The following PDE3A variants were observed in gnomAD, a reference collection of about 807,000 sequenced individuals.
PDE3A encodes the protein cGMP-inhibited 3',5'-cyclic phosphodiesterase 3A.
In PDE3A, 43 loss-of-function variants were observed where a neutral mutation model predicts 98.3. The ratio of observed to expected loss-of-function variants is 0.44; its 90% CI spans 0.34 to 0.56. The LOEUF (loss-of-function observed/expected upper bound fraction) is 0.56, where lower values mean the gene tolerates loss of function less well. PDE3A is among the 20% of genes least tolerant of loss of function. The probability of loss-of-function intolerance (pLI) is 0.01; values close to 1 mark genes in which losing one functional copy is unlikely to be tolerated. For synonymous variants in PDE3A, 663 were observed against 567.9 expected (o/e 1.17, Z -2.38); for missense variants, 1,427 against 1,440.7 (o/e 0.99, Z 0.15).
At chr12:20,655,654 G>A (rs938158297) in intron 15 of PDE3A, among the ~76,000 whole-genome samples, 2 of 152,206 alleles carry the variant, frequency 1.3e-5, no homozygotes, top group Non-Finnish European at 2.9e-5. Flanking sequence ...AAGCTTGGAA[G>A]GTGGGACTCT....
intron 1 of PDE3A, among the ~76,000 whole-genome samples, chr12:20,506,709 A>G (rs117266619): frequency 0.033 from 5,045 of 152,148 alleles, 121 homozygotes; most frequent in South Asian, 0.064. Flanking sequence ...ATGAATATAC[A>G]TAAAGTGGAT....
chr12:20,399,775 C>A lies in PDE3A; in HGVS notation c.960+29531C>A, dbSNP rs535724993. On this transcript the variant is annotated intron_variant, in intron 1 of 15. Transcript: ENST00000359062. Reference sequence around the variant, plus strand: ...AAGGAGGAGATAAATTAAATTTCCACCTACAAGATCAGTATAGCAATATTC... The same window carrying A: ...AAGGAGGAGATAAATTAAATTTCCAACTACAAGATCAGTATAGCAATATTC... 2.0e-5 allele frequency among the ~76,000 whole-genome samples: 3 copies of A among 152,268 alleles called. No individual in the cohort carries two copies. The East Asian group carries it at 5.8e-4, about 29-fold the overall frequency.
At chr12:20,629,261 T>C (rs190567290) in intron 5 of PDE3A, among the ~76,000 whole-genome samples, 170 of 152,294 alleles carry the variant, frequency 1.1e-3, no homozygotes, top group African/African-American at 4.0e-3. Flanking sequence ...ATACCCATAC[T>C]TGAAATGGAA....
At chr12:20,605,051 C>T (rs1943677911) in intron 2 of PDE3A, among the ~76,000 whole-genome samples, 1 of 152,170 alleles carries the variant, frequency 6.6e-6, no homozygotes, top group African/African-American at 2.4e-5. Context: ...TAGGCTCTCA[C>T]CCTTATAAAA....
At chr12:20,418,515 A>C (rs1944459880) in intron 1 of PDE3A, among the ~76,000 whole-genome samples, 1 of 152,174 alleles carries the variant, frequency 6.6e-6, no homozygotes, top group African/African-American at 2.4e-5. Flanking sequence ...CAGCCGTTTC[A>C]TTTAAATTGT....
intron 1 of PDE3A, among the ~76,000 whole-genome samples, chr12:20,474,839 C>T (rs957302509): frequency 1.3e-5 from 2 of 152,152 alleles, no homozygotes; most frequent in African/African-American, 4.8e-5. Context: ...TCTCAAAATC[C>T]TTAATTTAGT....
At chr12:20,432,581 A>G (rs1944715549) in intron 1 of PDE3A, among the ~76,000 whole-genome samples, 1 of 152,136 alleles carries the variant, frequency 6.6e-6, no homozygotes, top group Non-Finnish European at 1.5e-5. Context: ...TATATATTTA[A>G]TATGTGTAGC....
intron 1 of PDE3A, among the ~76,000 whole-genome samples, chr12:20,424,673 A>G (rs1944575699): frequency 6.6e-6 from 1 of 152,244 alleles, no homozygotes; most frequent in Non-Finnish European, 1.5e-5. Context: ...GTGTCAGAAT[A>G]TCTACTTACC....
intron 2 of PDE3A, among the ~76,000 whole-genome samples, chr12:20,561,696 T>C (rs1163623999): frequency 6.6e-6 from 1 of 152,180 alleles, no homozygotes; most frequent in Admixed American, 6.5e-5. Flanking sequence ...CCCGGGATAC[T>C]TAATAAATAA....
rs555777265 is a variant in PDE3A at position 20,574,558 on chromosome 12, CTTATTTAGATGATAGCTTTCA to C, written c.1011+17850_1011+17870del. Among the ~76,000 whole-genome samples, 474 of 152,094 alleles carry C rather than the reference CTTATTTAGATGATAGCTTTCA, an allele frequency of 3.1e-3. 3 individuals carry two copies. The highest frequency in any genetic ancestry group is 0.011 in the African/African-American group (459 of 41,518). On this transcript the variant is annotated intron_variant, in intron 2 of 15. Transcript: ENST00000359062. The stretch of plus-strand genomic sequence containing the variant: ...TTAAAAAGTATGTGGAATAAACACT[CTTATTTAGATGATAGCTTTCA>C]TCATTATCATTATCATCACCATCAC...
chr12:20,655,050 T>C (rs904974710), intron 15 of PDE3A, among the ~76,000 whole-genome samples: 3 of 152,140 alleles, frequency 2.0e-5, no homozygotes, highest in Non-Finnish European at 4.4e-5. Flanking sequence ...CTTGCCCTTA[T>C]AGAAGTACAT....
chr12:20,584,255 C>A, intron 2 of PDE3A, among the ~76,000 whole-genome samples: 1 of 152,216 alleles, frequency 6.6e-6, no homozygotes, highest in African/African-American at 2.4e-5. Context: ...TGAGATGAAA[C>A]TTTGTCAACT....
rs770891751 is a variant in PDE3A at position 20,369,848 on chromosome 12, C to A, written c.564C>A (p.Leu188=). 1.2e-6 allele frequency: 2 copies of A among 1,612,050 alleles called. No individual in the cohort carries two copies. The highest frequency in any genetic ancestry group is 1.1e-5 in the South Asian group (1 of 90,950). Residue 188 remains leucine, a synonymous_variant, in exon 1 of 16, where the codon CTC becomes CTA. Coordinates refer to ENST00000359062, the MANE Select transcript of PDE3A (RefSeq NM_000921.5). ...LGVGEDHLLS[L]PAAGVVLSCL... is the part of the protein sequence containing the mutation. ...TCGGGGAGGATCACTTACTCTCACT[C>A]CCCGCCGCGGGGGTGGTGCTCAGCT... is the stretch of plus-strand genomic sequence containing the variant.
chr12:20,374,679 A>G (rs182917633), intron 1 of PDE3A, among the ~76,000 whole-genome samples: 11 of 152,210 alleles, frequency 7.2e-5, no homozygotes, highest in Non-Finnish European at 1.6e-4. Flanking sequence ...TATTTTAAGC[A>G]AGTTCTCATT....
intron 2 of PDE3A, among the ~76,000 whole-genome samples, chr12:20,592,112 A>G (rs944245575): frequency 1.3e-5 from 2 of 152,174 alleles, no homozygotes; most frequent in African/African-American, 2.4e-5. Context: ...ACAATAATTC[A>G]TAGTCTTAGG....
At chr12:20,418,913 A>G (rs997746466) in intron 1 of PDE3A, among the ~76,000 whole-genome samples, 4 of 152,170 alleles carry the variant, frequency 2.6e-5, no homozygotes, top group African/African-American at 9.7e-5. Flanking sequence ...TATTCCGTAT[A>G]TGACTGTGTC....
At chr12:20,658,486 A>G (rs540939210) in intron 15 of PDE3A, among the ~76,000 whole-genome samples, 2 of 152,372 alleles carry the variant, frequency 1.3e-5, no homozygotes, top group African/African-American at 4.8e-5. Flanking sequence ...AAAAATGGCA[A>G]CGAAGGCGTT....
At chr12:20,384,697 C>T (rs562048519) in intron 1 of PDE3A, among the ~76,000 whole-genome samples, 2 of 151,834 alleles carry the variant, frequency 1.3e-5, no homozygotes, top group African/African-American at 2.4e-5. Flanking sequence ...TCGCCCCACC[C>T]GACAGACTCC....
intron 1 of PDE3A, among the ~76,000 whole-genome samples, chr12:20,505,643 A>G (rs1194382869): frequency 1.3e-5 from 2 of 152,132 alleles, no homozygotes; most frequent in Non-Finnish European, 2.9e-5. Context: ...CAGATTTATC[A>G]TGCCATTTCT....
Sources: gnomAD v4.1 joint callset for allele counts (sites outside exome capture counted in the v4.1 genomes callset) on GRCh38, gnomAD v4.1.1 for gene constraint, MANE v1.5 for transcripts, NCBI Gene and HGNC (gene_info 2026-07-23, HGNC 2026-07-21) for gene names.